Variants in SRGAP1 observed in about 807,000 individuals in gnomAD.
The protein encoded by SRGAP1 is SLIT-ROBO Rho GTPase activating protein 1.
Under a neutral mutation model 121.9 loss-of-function variants are expected in SRGAP1, and 43 were observed. The ratio of observed to expected loss-of-function variants is 0.35; its 90% CI spans 0.28 to 0.46. The LOEUF is 0.46. SRGAP1 is among the 20% of genes least tolerant of loss of function. The probability of loss-of-function intolerance (pLI) is 1.00; values close to 1 mark genes in which losing one functional copy is unlikely to be tolerated. For synonymous variants in SRGAP1, 447 were observed against 485.4 expected, an observed-to-expected ratio of 0.92 and a Z score of 1.04; for missense variants, 1,102 against 1,350.9, an observed-to-expected ratio of 0.82 and a Z score of 2.89.
Position 64,143,549 on chromosome 12 carries a change from C to T in SRGAP1, c.*877C>T, listed in dbSNP as rs1332344175. ...GAAAATGTTTCCATCTCCTCTAAAT[C>T]CCTGTGTTCTCCTCTGTGGAAATGA... On this transcript the variant is annotated 3_prime_UTR_variant, in exon 22 of 22. Coordinates refer to ENST00000355086, the MANE Select transcript of SRGAP1 (RefSeq NM_020762.4). 1 of 152,272 alleles carries T rather than the reference C, an allele frequency of 6.6e-6. No individual in the cohort carries two copies. Among genetic ancestry groups the T allele is most frequent in the African/African-American group, 2.4e-5 (1 of 41,448 alleles). 9.4% of individuals were successfully genotyped at this position (152,272 alleles called of 1,614,324 possible).
At position 64,127,653 on chromosome 12, in the gene SRGAP1, C is replaced by A. The variant is rs2036714696; in HGVS notation, c.2469C>A (p.Val823=). 1 of 1,614,084 alleles carries A rather than the reference C, an allele frequency of 6.2e-7. No individual in the cohort carries two copies. Residue 823 remains valine, a synonymous_variant, in exon 20 of 22, where the codon GTC becomes GTA. Transcript: ENST00000355086. ...KADSEASSGP[V]TEDKSSSKDM... ...ACAGTGAGGCCAGCAGTGGGCCAGTCACGGAAGACAAGTCCTCATCCAAGG... is the reference window on the plus strand; with the variant it reads ...ACAGTGAGGCCAGCAGTGGGCCAGTAACGGAAGACAAGTCCTCATCCAAGG...
At chr12:64,006,704 A>G (rs1468318776) in intron 3 of SRGAP1, among the ~76,000 whole-genome samples, 1 of 152,168 alleles carries the variant, frequency 6.6e-6, no homozygotes. Flanking sequence ...TGGCCAGAGC[A>G]TAACTCTATA....
chr12:64,129,191 T>A lies in SRGAP1; in HGVS notation c.2880+991T>A, dbSNP rs866640027. Reference sequence around the variant, plus strand: ...ATATATATACATATAAAGGGGAGTTTATTAAGTATTAACTCACACAATCAC... The same window carrying A: ...ATATATATACATATAAAGGGGAGTTAATTAAGTATTAACTCACACAATCAC... On this transcript the variant is annotated intron_variant, in intron 21 of 21. Transcript: ENST00000355086. Among the ~76,000 whole-genome samples, 32 of 152,146 alleles carry A rather than the reference T, an allele frequency of 2.1e-4. 1 individual carries two copies. The highest frequency in any genetic ancestry group is 7.2e-4 in the African/African-American group (30 of 41,508).
intron 6 of SRGAP1, among the ~76,000 whole-genome samples, chr12:64,059,006 G>A (rs1162178694): frequency 6.6e-6 from 1 of 152,106 alleles, no homozygotes; most frequent in Non-Finnish European, 1.5e-5. Flanking sequence ...ATAGGGGTCA[G>A]AGAAGGAAAT....
intron 15 of SRGAP1, among the ~76,000 whole-genome samples, chr12:64,101,762 A>T (rs1345702818): frequency 6.6e-6 from 1 of 152,190 alleles, no homozygotes; most frequent in Non-Finnish European, 1.5e-5. Context: ...TGCCCTAGAA[A>T]AGCCACTCAA....
intron 4 of SRGAP1, among the ~76,000 whole-genome samples, chr12:64,023,670 A>T (rs997940529): frequency 2.6e-5 from 4 of 152,204 alleles, no homozygotes; most frequent in Non-Finnish European, 5.9e-5. Flanking sequence ...TCAGCAGCAC[A>T]CACAGCTAGC....
At chr12:64,104,912 TAA>T (rs150450699) in intron 15 of SRGAP1, among the ~76,000 whole-genome samples, 13,785 of 151,438 alleles carry the variant, frequency 0.091, 1,465 homozygotes, top group African/African-American at 0.26. Flanking sequence ...TATATATATA[TAA>T]AAAATATAAA....
At chr12:63,884,776 A>C (rs1008152822) in intron 1 of SRGAP1, among the ~76,000 whole-genome samples, 56 of 141,456 alleles carry the variant, frequency 4.0e-4, no homozygotes, top group African/African-American at 1.4e-3. Context: ...GGCTGGAGTG[A>C]AGTGGCGCGA....
intron 1 of SRGAP1, among the ~76,000 whole-genome samples, chr12:63,948,555 A>G (rs2032125994): frequency 6.6e-6 from 1 of 152,016 alleles, no homozygotes; most frequent in Admixed American, 6.6e-5. Context: ...GTAACTTAGG[A>G]CACTTAATGT....
rs879403504 is a variant in SRGAP1, at chr12:64,148,904, C to G, written c.*6232C>G. The G allele has an allele frequency of 6.6e-6, 1 of 152,162 alleles. No homozygotes were observed. The highest frequency in any genetic ancestry group is 1.5e-5 in the Non-Finnish European group (1 of 68,044). The allele number at this position is 152,162 out of a possible 1,614,324, so 9.4% of individuals were successfully genotyped here. On this transcript the variant is annotated 3_prime_UTR_variant, in exon 22 of 22. Transcript: ENST00000355086. ...TGAATGTATCAGTATCCTGACTAAT[C>G]ACACCATGGTGTAGTTTTGCCTGTC...
intron 6 of SRGAP1, among the ~76,000 whole-genome samples, chr12:64,062,581 A>G (rs1453543379): frequency 6.6e-6 from 1 of 151,082 alleles, no homozygotes; most frequent in African/African-American, 2.4e-5. Context: ...CAGTGGCACT[A>G]TCTTGGCTCA....
At chr12:64,026,707 A>G (rs1339719368) in intron 4 of SRGAP1, among the ~76,000 whole-genome samples, 1 of 151,442 alleles carries the variant, frequency 6.6e-6, no homozygotes. Flanking sequence ...TCTCTACAAA[A>G]ATACAAAAAT....
At chr12:64,119,827 A>G (rs1565689116) in intron 18 of SRGAP1, among the ~76,000 whole-genome samples, 1 of 143,894 alleles carries the variant, frequency 6.9e-6, no homozygotes. Flanking sequence ...CTGGAGTGCA[A>G]TGGTACAATC....
At chr12:64,041,399 T>TTTATTTATTTATTTA (rs1565652856) in intron 4 of SRGAP1, among the ~76,000 whole-genome samples, 3 of 122,172 alleles carry the variant, frequency 2.5e-5, no homozygotes, top group Admixed American at 1.6e-4. Flanking sequence ...TTATTTATTT[T>TTTATTTATTTATTTA]TTTGAGGCAA....
At chr12:63,917,937 A>G (rs1242608610) in intron 1 of SRGAP1, among the ~76,000 whole-genome samples, 1 of 152,186 alleles carries the variant, frequency 6.6e-6, no homozygotes, top group Non-Finnish European at 1.5e-5. Flanking sequence ...CTGATTTCCT[A>G]TGCTAGTGGC....
intron 1 of SRGAP1, among the ~76,000 whole-genome samples, chr12:63,967,082 A>C (rs1411051044): frequency 3.3e-5 from 5 of 152,202 alleles, no homozygotes. Context: ...TTATTTTAAA[A>C]ATTATTTCTG....
In SRGAP1 at chr12:64,144,254, G is replaced by GTT. The variant is rs1565701094; in HGVS notation, c.*1582_*1583insTT. On this transcript the variant is annotated 3_prime_UTR_variant, in exon 22 of 22. Transcript: ENST00000355086. ...GATTTTTGTTGTTGTTGTTGTTGTT[G>GTT]GGAGAAATGGATTTCCCACAACTAA... is the stretch of plus-strand genomic sequence containing the variant. 14 of 152,178 alleles carry GTT rather than the reference G, an allele frequency of 9.2e-5. No homozygotes were observed. Among genetic ancestry groups the GTT allele is most frequent in the East Asian group, 5.8e-4 (3 of 5,182 alleles). 9.4% of individuals were successfully genotyped at this position (152,178 alleles called of 1,614,324 possible).
At chr12:63,984,215 T>C in intron 2 of SRGAP1, 73 bp downstream of exon 2, 1 of 882,722 alleles carries the variant, frequency 1.1e-6, no homozygotes, top group Non-Finnish European at 1.6e-6. Context: ...TGTGGATTTT[T>C]TATTTTTCTA....
At chr12:63,998,508 G>T (rs1593020315) in intron 3 of SRGAP1, among the ~76,000 whole-genome samples, 1 of 152,214 alleles carries the variant, frequency 6.6e-6, no homozygotes, top group Non-Finnish European at 1.5e-5. Context: ...TGGGACCATG[G>T]CATTAAAAAG....
Sources: gnomAD v4.1 joint callset for allele counts (sites outside exome capture counted in the v4.1 genomes callset) on GRCh38, gnomAD v4.1.1 for gene constraint, MANE v1.5 for transcripts, NCBI Gene and HGNC (gene_info 2026-07-23, HGNC 2026-07-21) for gene names.